The following PHRF1 variants were observed in gnomAD, a reference collection of about 807,000 sequenced individuals.
PHRF1 encodes the protein PHD and ring finger domains 1, also known as PHD and RING finger domain-containing protein 1.
PHRF1 carries 53 observed loss-of-function variants against 128.9 expected under a neutral mutation model. The observed-to-expected ratio is 0.41, with a 90% CI of 0.33 to 0.52. The LOEUF is 0.52. PHRF1 is among the 20% of genes least tolerant of loss of function. PHRF1 has a pLI of 0.21. For missense variants in PHRF1, 2,503 were observed against 2,284.5 expected, an observed-to-expected ratio of 1.10 and a Z score of -1.95; for synonymous variants, 1,178 against 980.6, an observed-to-expected ratio of 1.20 and a Z score of -3.76.
chr11:589,537 G>T (rs1395314493), intron 4 of PHRF1, among the ~76,000 whole-genome samples: 2 of 151,108 alleles, frequency 1.3e-5, no homozygotes, highest in South Asian at 4.2e-4. Flanking sequence ...CCAGTCCCAG[G>T]GGTTTTGCAG....
intron 6 of PHRF1, among the ~76,000 whole-genome samples, chr11:593,861 G>A (rs756734094): frequency 6.6e-6 from 1 of 152,116 alleles, no homozygotes; most frequent in African/African-American, 2.4e-5. Flanking sequence ...CCTTTCTCAC[G>A]AGTCTGAGCC....
intron 4 of PHRF1, among the ~76,000 whole-genome samples, chr11:589,644 G>T (rs532913283): frequency 6.6e-6 from 1 of 152,234 alleles, no homozygotes; most frequent in Non-Finnish European, 1.5e-5. Context: ...GATGCCGGAC[G>T]GAGTCAAGAT....
intron 2 of PHRF1, 97 bp from the exon 3 acceptor site, chr11:581,864 AG>A: frequency 6.9e-7 from 1 of 1,447,032 alleles, no homozygotes; most frequent in South Asian, 1.5e-5. Flanking sequence ...GCCGTTTGGC[AG>A]GTGCTCCTGA....
At chr11:593,367 T>A (rs945749864) in intron 6 of PHRF1, among the ~76,000 whole-genome samples, 8 of 152,150 alleles carry the variant, frequency 5.3e-5, no homozygotes, top group Non-Finnish European at 1.2e-4. Flanking sequence ...TTCTCTTGGG[T>A]GGGAAGTAGC....
chr11:581,620 C>A lies in PHRF1; in HGVS notation c.94+14C>A, dbSNP rs760899731. On this transcript the variant is annotated intron_variant, in intron 2 of 17. Transcript: ENST00000264555. Reference sequence around the variant, plus strand: ...CAGGTGACTTTGGTGAGCTGCCTAGCGCCGGGTAGGGGCGTCCCCAGGAGG... The same window carrying A: ...CAGGTGACTTTGGTGAGCTGCCTAGAGCCGGGTAGGGGCGTCCCCAGGAGG... 11 of 1,606,286 alleles carry A rather than the reference C, an allele frequency of 6.8e-6. No homozygotes were observed. The East Asian group carries it at 9.0e-5, about 13-fold the overall frequency.
intron 13 of PHRF1, chr11:606,810 C>A: frequency 1.1e-6 from 1 of 882,776 alleles, no homozygotes; most frequent in Non-Finnish European, 1.7e-6. Context: ...TTCATAAGAA[C>A]ATGTCCTGAT....
Position 609,301 on chromosome 11 carries a change from A to G in PHRF1, c.3845A>G (p.Gln1282Arg), listed in dbSNP as rs767913029. 2 of 1,612,546 alleles carry G rather than the reference A, an allele frequency of 1.2e-6. No homozygotes were observed. Among genetic ancestry groups the G allele is most frequent in the South Asian group, 2.2e-5 (2 of 91,086 alleles). The change falls in exon 14 of 18, where the codon CAG becomes CGG. Residue 1282 changes from glutamine to arginine, a missense_variant. By Grantham distance (43) the Gln-to-Arg change is conservative. Coordinates refer to ENST00000264555, the MANE Select transcript of PHRF1 (RefSeq NM_001286581.2). ...TTCTCAAGCGACGCCGTTTTCATCC[A>G]GCTCGATGACATGAGCTCGCCACCT... The part of the protein sequence containing the change: ...DDFSSDAVFI[Q>R]LDDMSSPPSP...
At position 609,586 on chromosome 11, in the gene PHRF1, G is replaced by A. The variant is rs764226799; in HGVS notation, c.4130G>A (p.Arg1377Lys). Residue 1377 changes from arginine (R) to lysine (K), a missense_variant, in exon 14 of 18, where the codon AGG becomes AAG. By Grantham distance (26) the Arg-to-Lys change is conservative. Transcript: ENST00000264555. ...GKEDSPSASG[R>K]VQEAARPEEV... Reference sequence around the variant, plus strand: ...GAAGACAGCCCCTCTGCGAGTGGGAGGGTACAGGAGGCAGCCCGGCCTGAG... The same window carrying A: ...GAAGACAGCCCCTCTGCGAGTGGGAAGGTACAGGAGGCAGCCCGGCCTGAG... 9.4e-6 allele frequency: 15 copies of A among 1,596,130 alleles called. No homozygotes were observed. The Admixed American group carries it at 1.2e-4, about 13-fold the overall frequency.
chr11:595,515 A>C (rs1326596352), intron 6 of PHRF1, among the ~76,000 whole-genome samples: 1 of 152,144 alleles, frequency 6.6e-6, no homozygotes, highest in Non-Finnish European at 1.5e-5. Context: ...CAGGGCCACC[A>C]AGCTCCCTGT....
intron 11 of PHRF1, 65 bp downstream of exon 11, chr11:605,365 G>T: frequency 6.3e-7 from 1 of 1,582,492 alleles, no homozygotes; most frequent in Non-Finnish European, 8.6e-7. Flanking sequence ...GTGGGCACGG[G>T]GCCCCGAGGT....
rs1438949267 is a variant in PHRF1, at chr11:607,104, A to C, written c.1648A>C (p.Arg550=). Residue 550 remains arginine (R), a synonymous_variant, in exon 14 of 18, where the codon AGA becomes CGA. Transcript: ENST00000264555. ...TCAGCGAAACTCAGGCAGTCTGTCCAGAGGGGAAGAAGGATTCAAGGGCTG... is the reference window on the plus strand; with the variant it reads ...TCAGCGAAACTCAGGCAGTCTGTCCCGAGGGGAAGAAGGATTCAAGGGCTG... The part of the protein sequence containing the change: ...SFQRNSGSLS[R]GEEGFKGCLQ... 6.2e-7 allele frequency: 1 copy of C among 1,605,728 alleles called. No homozygotes were observed. The highest frequency in any genetic ancestry group is 1.7e-5 in the Admixed American group (1 of 57,998).
At chr11:605,529 C>T (rs571438888) in intron 11 of PHRF1, 76 bp from the exon 12 acceptor site, 18 of 1,576,704 alleles carry the variant, frequency 1.1e-5, no homozygotes, top group African/African-American at 6.7e-5. Flanking sequence ...CATCCTCCTC[C>T]GTGCCGTCTC....
chr11:593,931 G>A (rs1311141103), intron 6 of PHRF1, among the ~76,000 whole-genome samples: 1 of 152,176 alleles, frequency 6.6e-6, no homozygotes, highest in African/African-American at 2.4e-5. Context: ...ACCTCCTCAG[G>A]GTTCCTGGGA....
chr11:609,584 G>A lies in PHRF1; in HGVS notation c.4128G>A (p.Gly1376=). Residue 1376 remains glycine, a synonymous_variant, in exon 14 of 18, where the codon GGG becomes GGA. Transcript: ENST00000264555. ...AGGAAGACAGCCCCTCTGCGAGTGG[G>A]AGGGTACAGGAGGCAGCCCGGCCTG... The part of the protein sequence containing the change: ...AGKEDSPSAS[G]RVQEAARPEE... 1 of 1,595,962 alleles carries A rather than the reference G, an allele frequency of 6.3e-7. No individual in the cohort carries two copies. The highest frequency in any genetic ancestry group is 8.5e-7 in the Non-Finnish European group (1 of 1,172,862).
chr11:593,453 T>G (rs936472), intron 6 of PHRF1, among the ~76,000 whole-genome samples: 1 of 152,092 alleles, frequency 6.6e-6, no homozygotes, highest in Non-Finnish European at 1.5e-5. Context: ...GCACCGAGGA[T>G]GGGCTCCTGG....
In PHRF1 at chr11:610,332, C is replaced by T; in HGVS notation, c.4401C>T (p.Asp1467=). Residue 1467 remains aspartate, a synonymous_variant, in exon 15 of 18, where the codon GAC becomes GAT. Transcript: ENST00000264555. ...TGCTTCCGGAACCCGGGTTCCCAGA[C>T]ACAGACCCCTCTCAGGTGGGTGTCT... is the stretch of plus-strand genomic sequence containing the variant. The part of the protein sequence containing the change: ...SHVLPEPGFP[D]TDPSQVYSPG... The T allele has an allele frequency of 1.9e-6, 3 of 1,566,308 alleles. No homozygotes were observed. Among genetic ancestry groups the T allele is most frequent in the African/African-American group, 1.4e-5 (1 of 73,776 alleles).
Position 608,947 on chromosome 11 carries a change from G to T in PHRF1, c.3491G>T (p.Arg1164Leu). 6.2e-7 allele frequency: 1 copy of T among 1,610,562 alleles called. No homozygotes were observed. The highest frequency in any genetic ancestry group is 8.5e-7 in the Non-Finnish European group (1 of 1,179,256). Residue 1164 changes from arginine to leucine, a missense_variant, in exon 14 of 18, where the codon CGG (arginine) becomes CTG (leucine). Arg to Leu is a moderately radical substitution (Grantham distance 102). Transcript: ENST00000264555. ...CGAGACCGGAGGAAGCGGAGGTCCC[G>T]GTCCCCAAGCTCGGAGCACAGGGCA... is the stretch of plus-strand genomic sequence containing the variant. ...WPRDRRKRRS[R>L]SPSSEHRARE... is the part of the protein sequence containing the mutation.
intron 1 of PHRF1, among the ~76,000 whole-genome samples, chr11:577,187 G>A (rs1469375990): frequency 1.3e-5 from 2 of 152,334 alleles, no homozygotes; most frequent in East Asian, 3.9e-4. Context: ...AGCCTCTCAG[G>A]TGTAGGTATT....
In PHRF1 at chr11:610,637, T is replaced by A. The variant is rs1347170570; in HGVS notation, c.4553T>A (p.Leu1518Gln). 6.2e-7 allele frequency: 1 copy of A among 1,605,168 alleles called. No homozygotes were observed. Among genetic ancestry groups the A allele is most frequent in the Admixed American group, 1.7e-5 (1 of 60,000 alleles). ...GTGGGCTGTGGGGCAGCACAGACCC[T>A]GGCCCCAGTGCCCGCTGCCCTGACC... ...PLVGCGAAQT[L>Q]APVPAALTPA... The change falls in exon 16 of 18, where the codon CTG (leucine) becomes CAG (glutamine). Residue 1518 changes from leucine (L) to glutamine (Q), a missense_variant. Physicochemically the swap from Leu to Gln is moderately radical, Grantham distance 113 (BLOSUM62 -2). Coordinates refer to ENST00000264555, the MANE Select transcript of PHRF1 (RefSeq NM_001286581.2).
Sources: gnomAD v4.1 joint callset for allele counts (sites outside exome capture counted in the v4.1 genomes callset) on GRCh38, gnomAD v4.1.1 for gene constraint, MANE v1.5 for transcripts, NCBI Gene and HGNC (gene_info 2026-07-23, HGNC 2026-07-21) for gene names.